The following INPPL1 variants were observed in gnomAD, a reference collection of about 807,000 sequenced individuals.
INPPL1 encodes the protein phosphatidylinositol 3,4,5-trisphosphate 5-phosphatase 2.
INPPL1 carries 91 observed loss-of-function variants against 139.3 expected under a neutral mutation model. The ratio of observed to expected loss-of-function variants is 0.65; its 90% CI spans 0.55 to 0.78. The LOEUF is 0.78. Ranked by LOEUF, INPPL1 falls within the 30% of genes least tolerant of loss-of-function variation. The pLI is 0.00. For missense variants in INPPL1, 1,411 were observed against 1,665.6 expected, an observed-to-expected ratio of 0.85 and a Z score of 2.66; for synonymous variants, 719 against 686.6, an observed-to-expected ratio of 1.05 and a Z score of -0.74.
upstream of INPPL1, chr11:72,223,857 C>A (rs1455930521): frequency 1.3e-5 from 2 of 149,966 alleles, no homozygotes; most frequent in African/African-American, 4.9e-5. Context: ...CGGGGCGGGG[C>A]GGGCGGCGCG....
Position 72,228,576 on chromosome 11 carries a change from C to A in INPPL1, c.397+78C>A. ...GCCTCTTCCCATCCCCCCTTCTCAA[C>A]CCCACCTCTCCTGTAACCCCCTTTC... On this transcript the variant is annotated intron_variant, in intron 3 of 27. Coordinates refer to ENST00000298229, the MANE Select transcript of INPPL1 (RefSeq NM_001567.4). The surrounding 1 kb of genome is among the most constrained non-coding windows in gnomAD (Gnocchi z 5.0). 1 of 1,561,814 alleles carries A rather than the reference C, an allele frequency of 6.4e-7. No individual in the cohort carries two copies. The highest frequency in any genetic ancestry group is 8.7e-7 in the Non-Finnish European group (1 of 1,150,528).
intron 1 of INPPL1, among the ~76,000 whole-genome samples, chr11:72,226,935 G>C (rs566412342): frequency 6.6e-6 from 1 of 152,254 alleles, no homozygotes; most frequent in East Asian, 1.9e-4. Flanking sequence ...CTGTGAATGG[G>C]GTGAGGGGTC....
In INPPL1 at chr11:72,237,201, A is replaced by G. The variant is rs773540241; in HGVS notation, c.2957A>G (p.Tyr986Cys). The change falls in exon 26 of 28, where the codon TAC becomes TGC. Residue 986 changes from tyrosine (Y) to cysteine (C), a missense_variant. Physicochemically the swap from Tyr to Cys is radical, Grantham distance 194. Transcript: ENST00000298229. The part of the protein sequence containing the change: ...PPKNSFNNPA[Y>C]YVLEGVPHQL... Reference sequence around the variant, plus strand: ...AAGAACAGCTTCAATAACCCTGCCTACTACGTCCTTGAAGGGGTCCCGCAC... The same window carrying G: ...AAGAACAGCTTCAATAACCCTGCCTGCTACGTCCTTGAAGGGGTCCCGCAC... The G allele has an allele frequency of 4.3e-6, 7 of 1,613,840 alleles. No individual in the cohort carries two copies. Among genetic ancestry groups the G allele is most frequent in the Non-Finnish European group, 5.9e-6 (7 of 1,179,964 alleles).
Position 72,232,524 on chromosome 11 carries a change from C to T in INPPL1, c.1713-102C>T, listed in dbSNP as rs1442108783. 1.0e-5 allele frequency: 15 copies of T among 1,448,158 alleles called. No individual in the cohort carries two copies. The South Asian group carries it at 1.7e-4, about 17-fold the overall frequency. 89.7% of individuals were successfully genotyped at this position (1,448,158 alleles called of 1,614,324 possible). ...TGTCCCCAGGGGCCCGGATCTTTAC[C>T]CCATCCCTGACTCCTGAGACTTCTT... On this transcript the variant is annotated intron_variant, in intron 14 of 27. Coordinates refer to ENST00000298229, the MANE Select transcript of INPPL1 (RefSeq NM_001567.4).
intron 14 of INPPL1, 82 bp downstream of exon 14, chr11:72,232,418 T>C (rs1330953628): frequency 1.6e-5 from 21 of 1,342,958 alleles, no homozygotes; most frequent in Non-Finnish European, 2.2e-5. Flanking sequence ...CCCTAGCCCA[T>C]GACCCTCCCG....
intron 1 of INPPL1, among the ~76,000 whole-genome samples, chr11:72,226,564 C>T (rs555826575): frequency 3.3e-5 from 5 of 152,274 alleles, no homozygotes; most frequent in Non-Finnish European, 7.3e-5. Flanking sequence ...AAACATTCTA[C>T]AGTGCACAAG....
upstream of INPPL1, among the ~76,000 whole-genome samples, chr11:72,224,622 C>T (rs1948612853): frequency 7.5e-6 from 1 of 133,600 alleles, no homozygotes; most frequent in Non-Finnish European, 1.6e-5. Flanking sequence ...GTCCCGGGCC[C>T]TTCGGGAAGG....
intron 5 of INPPL1, 77 bp downstream of exon 5, chr11:72,229,307 G>C: frequency 6.7e-7 from 1 of 1,482,854 alleles, no homozygotes; most frequent in Non-Finnish European, 9.2e-7. Flanking sequence ...CTGCACAGGT[G>C]CCCTGATCTC....
At chr11:72,225,560 G>A (rs1328998254) in intron 1 of INPPL1, 3 of 982,502 alleles carry the variant, frequency 3.1e-6, no homozygotes, top group Non-Finnish European at 1.2e-6. Context: ...AGAGGGAGTC[G>A]GGGCAGAGGG....
Position 72,231,618 on chromosome 11 carries a change from A to G in INPPL1, c.1615+3A>G, listed in dbSNP as rs776148070. 1.1e-5 allele frequency: 17 copies of G among 1,605,018 alleles called. No individual in the cohort carries two copies. Among genetic ancestry groups the G allele is most frequent in the Admixed American group, 3.3e-5 (2 of 59,990 alleles). ...GACTGGCATCGCCAACACCCTGGGT[A>G]AGTGGGGCTGGCAGGTGCCCAAGAG... On this transcript the variant is annotated splice_donor_region_variant and intron_variant, in intron 13 of 27. Coordinates refer to ENST00000298229, the MANE Select transcript of INPPL1 (RefSeq NM_001567.4).
At position 72,229,195 on chromosome 11, in the gene INPPL1, C is replaced by T. The variant is rs141285086; in HGVS notation, c.624C>T (p.Thr208=). The change falls in exon 5 of 28, where the codon ACC becomes ACT. Residue 208 remains threonine, a synonymous_variant. Transcript: ENST00000298229. The stretch of plus-strand genomic sequence containing the variant: ...GAGCCAGCCACCTGCCCCACCTCAC[C>T]CGTACCCTCGCTACCTCATGCCGGA... The part of the protein sequence containing the change: ...RGGASHLPHL[T]RTLATSCRRL... 2 of 1,613,234 alleles carry T rather than the reference C, an allele frequency of 1.2e-6. No homozygotes were observed. The highest frequency in any genetic ancestry group is 1.7e-6 in the Non-Finnish European group (2 of 1,179,636).
chr11:72,237,099 T>G, intron 25 of INPPL1, 25 bp from the exon 26 acceptor site: 1 of 1,550,456 alleles, frequency 6.4e-7, no homozygotes, highest in Middle Eastern at 1.8e-4. Flanking sequence ...GGATCCTGGC[T>G]TAGTCGTTCT....
chr11:72,238,404 G>A lies in INPPL1; in HGVS notation c.*51G>A. On this transcript the variant is annotated 3_prime_UTR_variant, in exon 28 of 28. Coordinates refer to ENST00000298229, the MANE Select transcript of INPPL1 (RefSeq NM_001567.4). ...ACTCAGAGCCCCTCCCTGCTACCAAGGCCCAGCTATGGCCCCAGGGTTGAA... is the reference window on the plus strand; with the variant it reads ...ACTCAGAGCCCCTCCCTGCTACCAAAGCCCAGCTATGGCCCCAGGGTTGAA... 6.8e-7 allele frequency: 1 copy of A among 1,465,904 alleles called. No homozygotes were observed. The highest frequency in any genetic ancestry group is 9.1e-7 in the Non-Finnish European group (1 of 1,096,614). 90.8% of individuals were successfully genotyped at this position (1,465,904 alleles called of 1,614,324 possible). A position where few individuals can be genotyped will look rare whatever the true frequency, so the allele number is the denominator to read the frequency against.
At position 72,238,243 on chromosome 11, in the gene INPPL1, C is replaced by T. The variant is rs770929883; in HGVS notation, c.3687-20C>T. On this transcript the variant is annotated intron_variant, in intron 27 of 27. Transcript: ENST00000298229. ...GGATCCCCTTGCCCATCTCACTTCC[C>T]AGCCTGTTTTACTCCACAGTGACAT... 2 of 1,613,662 alleles carry T rather than the reference C, an allele frequency of 1.2e-6. No homozygotes were observed. The highest frequency in any genetic ancestry group is 2.2e-5 in the East Asian group (1 of 44,842).
In INPPL1 at chr11:72,238,178, G is replaced by T. The variant is rs747154185; in HGVS notation, c.3686+3G>T. 3.4e-5 allele frequency: 55 copies of T among 1,607,176 alleles called. No individual in the cohort carries two copies. Among genetic ancestry groups the T allele is most frequent in the Non-Finnish European group, 4.5e-5 (53 of 1,176,868 alleles). ...TGGGACGACCTGGAGTTTCTCAGGT[G>T]GGGGAGGGGCTGGCCCCGGGGGCGG... On this transcript the variant is annotated splice_donor_region_variant and intron_variant, in intron 27 of 27. Transcript: ENST00000298229.
rs1280654076 is a variant in INPPL1 at position 72,238,180 on chromosome 11, G to A, written c.3686+5G>A. 4 of 1,608,236 alleles carry A rather than the reference G, an allele frequency of 2.5e-6. No homozygotes were observed. Among genetic ancestry groups the A allele is most frequent in the Non-Finnish European group, 2.5e-6 (3 of 1,177,244 alleles). ...GGACGACCTGGAGTTTCTCAGGTGG[G>A]GGAGGGGCTGGCCCCGGGGGCGGAG... is the stretch of plus-strand genomic sequence containing the variant. On this transcript the variant is annotated splice_donor_5th_base_variant and intron_variant, in intron 27 of 27. Transcript: ENST00000298229.
chr11:72,231,386 G>T, intron 12 of INPPL1, 112 bp from the exon 13 acceptor site: 1 of 986,862 alleles, frequency 1.0e-6, no homozygotes. Context: ...TCAGGAAGAG[G>T]GGTGGCAAGC....
At chr11:72,236,026 C>T (rs777128065) in intron 25 of INPPL1, 40 bp downstream of exon 25, 4 of 1,138,142 alleles carry the variant, frequency 3.5e-6, no homozygotes, top group Non-Finnish European at 5.1e-6. Context: ...CTTCCCCCAC[C>T]CACCTCTATC....
At position 72,232,322 on chromosome 11, in the gene INPPL1, T is replaced by G. The variant is rs1351845371; in HGVS notation, c.1698T>G (p.Asn566Lys). The G allele has an allele frequency of 2.6e-6, 4 of 1,552,504 alleles. No individual in the cohort carries two copies. Among genetic ancestry groups the G allele is most frequent in the African/African-American group, 1.4e-5 (1 of 73,188 alleles). Residue 566 changes from asparagine to lysine, a missense_variant, in exon 14 of 28, where the codon AAT becomes AAG. This residue lies in a region of INPPL1 where 363 missense variants were observed against 446.2 expected (regional missense o/e 0.81). Transcript: ENST00000298229. ...GFVNCHLTSGNEKTARRNQNY... is the reference protein window; with the variant it reads ...GFVNCHLTSGKEKTARRNQNY... ...TGAATTGTCACCTCACCTCGGGAAA[T>G]GAGAAGACGGCTCGGTGAGGGGGCG...
Sources: gnomAD v4.1 joint callset for allele counts (sites outside exome capture counted in the v4.1 genomes callset) on GRCh38, gnomAD v4.1.1 for gene constraint, gnomAD v4.1.1 regional missense constraint, Gnocchi (gnomAD v3.1) non-coding constraint, MANE v1.5 for transcripts, NCBI Gene and HGNC (gene_info 2026-07-23, HGNC 2026-07-21) for gene names.